C7: variants seen among roughly 807,000 people sequenced by gnomAD.
C7 encodes the protein complement C7, also known as complement component C7.
In C7, 83 loss-of-function variants were observed where a neutral mutation model predicts 104.8. The observed-to-expected ratio is 0.79, with a 90% CI of 0.66 to 0.95. The LOEUF is 0.95. Among genes scored for constraint, C7 ranks in the 40% least tolerant of loss-of-function variants. C7 has a pLI of 0.00. For synonymous variants in C7, 415 were observed against 360.6 expected, an observed-to-expected ratio of 1.15 and a Z score of -1.71; for missense variants, 1,070 against 1,011.2, an observed-to-expected ratio of 1.06 and a Z score of -0.79.
chr5:40,918,481 C>T (rs753348162), intron 1 of C7, among the ~76,000 whole-genome samples: 2 of 152,052 alleles, frequency 1.3e-5, no homozygotes, highest in Non-Finnish European at 2.9e-5. Context: ...GAATTAAGTT[C>T]TCCAGTAAAA....
intron 7 of C7, among the ~76,000 whole-genome samples, chr5:40,946,728 G>A (rs1042467152): frequency 2.6e-5 from 4 of 151,956 alleles, no homozygotes; most frequent in Non-Finnish European, 4.4e-5. Context: ...TTTTCTAGTT[G>A]AAGATGGCAT....
chr5:40,934,963 A>G (rs1579847894), intron 4 of C7, among the ~76,000 whole-genome samples: 1 of 152,328 alleles, frequency 6.6e-6, no homozygotes, highest in Non-Finnish European at 1.5e-5. Flanking sequence ...AGTCAGATTA[A>G]TGTAACAACA....
chr5:40,933,594 G>T (rs976655387), intron 3 of C7, among the ~76,000 whole-genome samples: 5 of 152,146 alleles, frequency 3.3e-5, no homozygotes, highest in African/African-American at 1.2e-4. Context: ...GTATTCCTTT[G>T]TAGATGTAGC....
At chr5:40,979,947 A>G in intron 17 of C7, 38 bp downstream of exon 17, 2 of 1,514,410 alleles carry the variant, frequency 1.3e-6, no homozygotes, top group Admixed American at 4.1e-5. Context: ...TAAGAATGCT[A>G]AAGTCACAGT....
chr5:40,972,837 T>G (rs1740729968), intron 15 of C7, among the ~76,000 whole-genome samples: 1 of 152,228 alleles, frequency 6.6e-6, no homozygotes, highest in Non-Finnish European at 1.5e-5. Context: ...AAATCATCCT[T>G]GTGAAAGATT....
chr5:40,931,921 G>C (rs909628450), intron 3 of C7, among the ~76,000 whole-genome samples: 3 of 152,128 alleles, frequency 2.0e-5, no homozygotes, highest in Non-Finnish European at 4.4e-5. Context: ...ACTACACCCG[G>C]CTAATTTTTT....
At position 40,959,630 on chromosome 5, in the gene C7, A is replaced by G; in HGVS notation, c.1661+10A>G. On this transcript the variant is annotated intron_variant, in intron 12 of 17. Transcript: ENST00000313164. Reference sequence around the variant, plus strand: ...AGCTGGAGCACTTGAGGTAATGGAGACCCGACCCCCTGGCAGTTGCATAGA... The same window carrying G: ...AGCTGGAGCACTTGAGGTAATGGAGGCCCGACCCCCTGGCAGTTGCATAGA... The G allele has an allele frequency of 6.4e-7, 1 of 1,568,670 alleles. No individual in the cohort carries two copies. The highest frequency in any genetic ancestry group is 8.6e-7 in the Non-Finnish European group (1 of 1,157,732).
chr5:40,951,380 G>A (rs1406603948), intron 9 of C7, among the ~76,000 whole-genome samples: 2 of 152,114 alleles, frequency 1.3e-5, no homozygotes, highest in Non-Finnish European at 2.9e-5. Flanking sequence ...ACCAAATACT[G>A]CACATTCTTA....
Position 40,959,461 on chromosome 5 carries a change from G to A in C7, c.1502G>A (p.Gly501Glu). 1 of 1,610,612 alleles carries A rather than the reference G, an allele frequency of 6.2e-7. No individual in the cohort carries two copies. Among genetic ancestry groups the A allele is most frequent in the Non-Finnish European group, 8.5e-7 (1 of 1,179,042 alleles). ...TCTCATCTTGTAGGAGGGGTTGATG[G>A]AGGTTGGAGTTGCTGGTCCTCTTGG... ...LVGNQAGGVD[G>E]GWSCWSSWSP... The change falls in exon 12 of 18, where the codon GGA becomes GAA. Residue 501 changes from glycine (G) to glutamate (E), a missense_variant. Physicochemically the swap from Gly to Glu is moderately conservative, Grantham distance 98 (BLOSUM62 -2). Transcript: ENST00000313164.
chr5:40,947,497 G>T, intron 7 of C7, 105 bp from the exon 8 acceptor site: 1 of 1,259,376 alleles, frequency 7.9e-7, no homozygotes, highest in Non-Finnish European at 1.1e-6. Context: ...TTGTAGTCTT[G>T]GTTGATTGGA....
At chr5:40,975,954 AAGTC>A (rs1209977735) in intron 15 of C7, among the ~76,000 whole-genome samples, 1 of 152,208 alleles carries the variant, frequency 6.6e-6, no homozygotes, top group Admixed American at 6.5e-5. Flanking sequence ...GAGGTGAAAA[AAGTC>A]AGGATGTTTT....
intron 6 of C7, among the ~76,000 whole-genome samples, chr5:40,943,743 C>A (rs1230617080): frequency 1.3e-5 from 2 of 151,644 alleles, no homozygotes; most frequent in Non-Finnish European, 2.9e-5. Flanking sequence ...CCAGCCCAAG[C>A]TGAATTTTTG....
At chr5:40,966,946 T>A (rs1414073383) in intron 14 of C7, among the ~76,000 whole-genome samples, 1 of 152,086 alleles carries the variant, frequency 6.6e-6, no homozygotes, top group African/African-American at 2.4e-5. Context: ...TAGTTGGGAG[T>A]TAATAAAGCC....
At chr5:40,933,600 G>A (rs987913667) in intron 3 of C7, among the ~76,000 whole-genome samples, 1 of 152,072 alleles carries the variant, frequency 6.6e-6, no homozygotes, top group Non-Finnish European at 1.5e-5. Flanking sequence ...CTTTGTAGAT[G>A]TAGCTTCACC....
Position 40,972,518 on chromosome 5 carries a change from A to C in C7, c.1998A>C (p.Glu666Asp). 6.2e-7 allele frequency: 1 copy of C among 1,613,692 alleles called. No homozygotes were observed. The highest frequency in any genetic ancestry group is 8.5e-7 in the Non-Finnish European group (1 of 1,179,726). Residue 666 changes from glutamate (E) to aspartate (D), a missense_variant, in exon 15 of 18, where the codon GAA becomes GAC. Glu to Asp is a conservative substitution (Grantham distance 45). Transcript: ENST00000313164. ...CCTGTTCAGGTGGCATGTCCTTAGA[A>C]GGTCCTTCAGCATTTCTCTGTGGCT... ...TVSCSGGMSLEGPSAFLCGSS... is the reference protein window; with the variant it reads ...TVSCSGGMSLDGPSAFLCGSS...
intron 8 of C7, among the ~76,000 whole-genome samples, chr5:40,949,063 T>C (rs1740109945): frequency 6.6e-6 from 1 of 152,060 alleles, no homozygotes; most frequent in Non-Finnish European, 1.5e-5. Context: ...ATCCAGCAAG[T>C]AGTTTGGTCT....
chr5:40,981,323 G>A (rs904580951), intron 17 of C7, 69 bp from the exon 18 acceptor site: 2 of 1,381,686 alleles, frequency 1.4e-6, no homozygotes, highest in Non-Finnish European at 2.0e-6. Flanking sequence ...TTATTACTTT[G>A]GAGGTGATGT....
intron 14 of C7, among the ~76,000 whole-genome samples, chr5:40,966,632 C>T (rs1740561182): frequency 6.6e-6 from 1 of 152,104 alleles, no homozygotes; most frequent in South Asian, 2.1e-4. Flanking sequence ...CTGAATCGGC[C>T]TCCCAAAGTG....
intron 13 of C7, among the ~76,000 whole-genome samples, chr5:40,963,181 G>A (rs941269684): frequency 3.3e-5 from 5 of 152,180 alleles, no homozygotes; most frequent in African/African-American, 7.2e-5. Flanking sequence ...GGAGCCAGGA[G>A]TCCCAAATAT....
Sources: gnomAD v4.1 joint callset for allele counts (sites outside exome capture counted in the v4.1 genomes callset) on GRCh38, gnomAD v4.1.1 for gene constraint, MANE v1.5 for transcripts, NCBI Gene and HGNC (gene_info 2026-07-23, HGNC 2026-07-21) for gene names.